The following NEB variants were observed in gnomAD, a reference collection of about 807,000 sequenced individuals.
NEB encodes nemaline myopathy type 2.
In NEB, 512 loss-of-function variants were observed where a neutral mutation model predicts 952.2. That is an observed-to-expected ratio of 0.54 (90% CI 0.50 to 0.58). The LOEUF (loss-of-function observed/expected upper bound fraction) is 0.58. Among genes scored for constraint, NEB ranks in the 20% least tolerant of loss-of-function variants. The pLI, the probability that NEB is intolerant of heterozygous loss-of-function variation, is 0.00. For missense variants in NEB, 8,428 were observed against 9,231.1 expected, an observed-to-expected ratio of 0.91 and a Z score of 3.56; for synonymous variants, 2,900 against 3,149.8, an observed-to-expected ratio of 0.92 and a Z score of 2.66.
intron 56 of NEB, 110 bp from the exon 57 acceptor site, chr2:151,644,239 C>T (rs2154117111): frequency 7.1e-7 from 1 of 1,410,992 alleles, no homozygotes; most frequent in Non-Finnish European, 9.6e-7. Context: ...CCTAGAGAGC[C>T]AAAGACTTCA....
At chr2:151,660,397 T>C (rs1219775746) in intron 46 of NEB, among the ~76,000 whole-genome samples, 4 of 152,334 alleles carry the variant, frequency 2.6e-5, no homozygotes, top group Middle Eastern at 3.4e-3. Flanking sequence ...CACACATATA[T>C]AAGGATTTCT....
rs1578230471 is a variant in NEB at position 151,575,698 on chromosome 2, G to A, written c.17010C>T (p.Ser5670=). The change falls in exon 107 of 182, where the codon AGC becomes AGT. Residue 5670 remains serine, a synonymous_variant. Coordinates refer to ENST00000397345, the MANE Select transcript of NEB (RefSeq NM_001164508.2). ...GAGAGTCTGTTGTAGTACTTACATTGCTCACATTAAGAGCATTTGCTCTAG... is the reference window on the plus strand; with the variant it reads ...GAGAGTCTGTTGTAGTACTTACATTACTCACATTAAGAGCATTTGCTCTAG... ...NLARANALNV[S]NKLYREGWDE... is the part of the protein sequence containing the mutation. 1 of 1,578,938 alleles carries A rather than the reference G, an allele frequency of 6.3e-7. No homozygotes were observed. The highest frequency in any genetic ancestry group is 8.7e-7 in the Non-Finnish European group (1 of 1,148,162).
rs750810861 is a variant in NEB at position 151,663,818 on chromosome 2, G to A, written c.5493C>T (p.His1831=). 8 of 1,613,824 alleles carry A rather than the reference G, an allele frequency of 5.0e-6. No homozygotes were observed. The highest frequency in any genetic ancestry group is 5.9e-6 in the Non-Finnish European group (7 of 1,179,752). The change falls in exon 45 of 182, where the codon CAC becomes CAT. Residue 1831 remains histidine, a synonymous_variant. Transcript: ENST00000397345. ...KKAYEQAKGK[H]IGFRSLEDDP... ...CATCTTCCAGGCTCCGGAAGCCAATGTGTTTCCCTTTGGCTTGTTCATAGG... is the reference window on the plus strand; with the variant it reads ...CATCTTCCAGGCTCCGGAAGCCAATATGTTTCCCTTTGGCTTGTTCATAGG...
chr2:151,539,363 C>T (rs1016549981), intron 138 of NEB, among the ~76,000 whole-genome samples: 1 of 152,178 alleles, frequency 6.6e-6, no homozygotes, highest in African/African-American at 2.4e-5. Flanking sequence ...CTTTTTCTAA[C>T]TAGTAGGCTC....
intron 71 of NEB, among the ~76,000 whole-genome samples, chr2:151,625,074 T>C (rs1456270854): frequency 6.6e-6 from 1 of 152,180 alleles, no homozygotes; most frequent in Non-Finnish European, 1.5e-5. Context: ...ACAAATACTT[T>C]GCACCAGGCT....
At chr2:151,650,088 T>C in intron 54 of NEB, 88 bp downstream of exon 54, 1 of 1,224,572 alleles carries the variant, frequency 8.2e-7, no homozygotes, top group Non-Finnish European at 1.2e-6. Context: ...CAATGCTTTG[T>C]GGTTCTACTC....
At position 151,650,586 on chromosome 2, in the gene NEB, T is replaced by C. The variant is rs748359305; in HGVS notation, c.7215A>G (p.Glu2405=). 1 of 1,574,610 alleles carries C rather than the reference T, an allele frequency of 6.4e-7. No homozygotes were observed. The highest frequency in any genetic ancestry group is 8.6e-7 in the Non-Finnish European group (1 of 1,162,048). The change falls in exon 53 of 182, where the codon GAA becomes GAG. Residue 2405 remains glutamate, a synonymous_variant. Transcript: ENST00000397345. The stretch of plus-strand genomic sequence containing the variant: ...AATAGAAACTGACCTCACTTTGCAG[T>C]TCATAAACTTTCTTAGCTTGCACAA... ...NDVVQAKKVY[E]LQSENLYKSD...
At chr2:151,642,277 G>C (rs770488167) in intron 60 of NEB, among the ~76,000 whole-genome samples, 58 of 152,290 alleles carry the variant, frequency 3.8e-4, no homozygotes, top group Middle Eastern at 3.4e-3. Context: ...TTGTATATGA[G>C]AGATACATCA....
chr2:151,646,784 G>C (rs2098965183), intron 54 of NEB, among the ~76,000 whole-genome samples: 1 of 152,116 alleles, frequency 6.6e-6, no homozygotes, highest in Admixed American at 6.5e-5. Flanking sequence ...TGAGTAGCTA[G>C]GATTACAGGC....
At chr2:151,618,693 A>G (rs1233100190) in intron 73 of NEB, among the ~76,000 whole-genome samples, 1 of 152,188 alleles carries the variant, frequency 6.6e-6, no homozygotes, top group Non-Finnish European at 1.5e-5. Context: ...ATGATAAAAG[A>G]TCTTCTTTTA....
intron 54 of NEB, among the ~76,000 whole-genome samples, chr2:151,647,984 A>G (rs1053368961): frequency 1.3e-5 from 2 of 152,208 alleles, no homozygotes; most frequent in African/African-American, 4.8e-5. Flanking sequence ...TACAGACGGA[A>G]TATTTAGGCA....
chr2:151,536,864 G>C (rs1336325633), intron 141 of NEB, among the ~76,000 whole-genome samples: 2 of 152,274 alleles, frequency 1.3e-5, no homozygotes, highest in South Asian at 2.1e-4. Context: ...AAACCACCCA[G>C]AGACATATTA....
intron 128 of NEB, among the ~76,000 whole-genome samples, chr2:151,552,073 C>T (rs1012696510): frequency 6.6e-6 from 1 of 152,102 alleles, no homozygotes; most frequent in African/African-American, 2.4e-5. Context: ...CTAGAAGTTC[C>T]AAAATAATAG....
In NEB at chr2:151,655,390, A is replaced by C; in HGVS notation, c.6703-16T>G. ...TGTATAAATGCTAGGAAGTGGGAAA[A>C]AAAGACATGAAATTTGAATAACTGG... On this transcript the variant is annotated splice_polypyrimidine_tract_variant and intron_variant, in intron 50 of 181. Coordinates refer to ENST00000397345, the MANE Select transcript of NEB (RefSeq NM_001164508.2). 7.0e-7 allele frequency: 1 copy of C among 1,426,724 alleles called. No homozygotes were observed. Among genetic ancestry groups the C allele is most frequent in the Non-Finnish European group, 9.7e-7 (1 of 1,033,482 alleles). 88.4% of individuals were successfully genotyped at this position (1,426,724 alleles called of 1,614,324 possible).
intron 161 of NEB, among the ~76,000 whole-genome samples, chr2:151,509,222 C>T (rs551129164): frequency 1.3e-5 from 2 of 152,136 alleles, no homozygotes; most frequent in East Asian, 1.9e-4. Context: ...TAAATGGAAG[C>T]GAATTAAAGC....
chr2:151,674,685 T>C (rs1402673332), intron 35 of NEB, 101 bp from the exon 36 acceptor site: 7 of 815,720 alleles, frequency 8.6e-6, no homozygotes, highest in Admixed American at 4.4e-5. Context: ...GAATCCCTCA[T>C]AGCACATACT....
At chr2:151,626,682 G>A (rs940699755) in intron 70 of NEB, among the ~76,000 whole-genome samples, 5 of 151,908 alleles carry the variant, frequency 3.3e-5, no homozygotes, top group East Asian at 1.9e-4. Context: ...GACTACAGGC[G>A]TCTGCCACCA....
rs762386638 is a variant in NEB at position 151,610,770 on chromosome 2, T to C, written c.11902A>G (p.Ile3968Val). Residue 3968 changes from isoleucine (I) to valine (V), a missense_variant, in exon 79 of 182, where the codon ATC becomes GTC. Ile to Val is a conservative substitution (Grantham distance 29, BLOSUM62 3). This residue lies in a region of NEB where 337 missense variants were observed against 297.5 expected (regional missense o/e 1.13). Transcript: ENST00000397345. ...ATCAGGAAATCTCTTACTTGGCTGA[T>C]ATTGGCAGAATTACTCTTGGCCAGC... ...ILLAKSNSAN[I>V]SQKLYTKGWD... 1.9e-6 allele frequency: 3 copies of C among 1,608,572 alleles called. No homozygotes were observed. The highest frequency in any genetic ancestry group is 2.2e-5 in the East Asian group (1 of 44,732).
intron 156 of NEB, 69 bp from the exon 157 acceptor site, chr2:151,516,632 A>AT (rs1455036465): frequency 5.8e-5 from 59 of 1,010,052 alleles, no homozygotes; most frequent in African/African-American, 3.0e-4. Context: ...TAAGGATAGT[A>AT]TTTTTTAATT....
Sources: allele counts gnomAD v4.1 joint callset (sites outside exome capture counted in the v4.1 genomes callset), GRCh38; gene constraint gnomAD v4.1.1; regional missense constraint gnomAD v4.1.1; transcripts MANE v1.5; gene names NCBI Gene and HGNC (gene_info 2026-07-23, HGNC 2026-07-21).